Variants in SORCS3 observed in about 807,000 individuals in gnomAD.
The protein encoded by SORCS3 is VPS10 domain-containing receptor SorCS3.
SORCS3 carries 57 observed loss-of-function variants against 146.3 expected under a neutral mutation model. The observed-to-expected ratio is 0.39, with a 90% confidence interval of 0.31 to 0.49. The LOEUF (loss-of-function observed/expected upper bound fraction) is 0.49. SORCS3 is among the 20% of genes least tolerant of loss of function. The pLI is 0.92. For synonymous variants in SORCS3, 653 were observed against 618.5 expected, an observed-to-expected ratio of 1.06 and a Z score of -0.83; for missense variants, 1,341 against 1,575.5, an observed-to-expected ratio of 0.85 and a Z score of 2.52.
chr10:105,110,794 T>A (rs2133757098), intron 7 of SORCS3, among the ~76,000 whole-genome samples: 1 of 152,318 alleles, frequency 6.6e-6, no homozygotes, highest in East Asian at 1.9e-4. Flanking sequence ...GGGAGAAGCA[T>A]CATTATGATT....
chr10:105,084,831 C>T (rs562160182), intron 5 of SORCS3, among the ~76,000 whole-genome samples: 22 of 151,752 alleles, frequency 1.4e-4, no homozygotes, highest in Non-Finnish European at 2.6e-4. Flanking sequence ...CCCGGGTTCA[C>T]GCCATTCTCC....
Position 105,201,217 on chromosome 10 carries a change from C to T in SORCS3, c.2225C>T (p.Ser742Leu). The T allele has an allele frequency of 6.2e-7, 1 of 1,611,352 alleles. No homozygotes were observed. The highest frequency in any genetic ancestry group is 8.5e-7 in the Non-Finnish European group (1 of 1,178,806). The change falls in exon 16 of 27, where the codon TCA becomes TTA. Residue 742 changes from serine to leucine, a missense_variant. Transcript: ENST00000369701. ...LGRDHSGSVVSEPCVCANWDF... is the reference protein window; with the variant it reads ...LGRDHSGSVVLEPCVCANWDF... ...CGAGACCACTCAGGATCAGTGGTCT[C>T]AGAACCCTGTGTCTGTGCCAATTGG...
At chr10:104,725,375 A>G (rs2016613483) in intron 1 of SORCS3, among the ~76,000 whole-genome samples, 1 of 152,214 alleles carries the variant, frequency 6.6e-6, no homozygotes, top group Non-Finnish European at 1.5e-5. Flanking sequence ...GTGAGGTGTC[A>G]GTCTGCCCCT....
chr10:104,661,491 C>A (rs891195666), intron 1 of SORCS3, among the ~76,000 whole-genome samples: 2 of 152,168 alleles, frequency 1.3e-5, no homozygotes, highest in Non-Finnish European at 2.9e-5. Flanking sequence ...CAGTGACATA[C>A]CTCAACAGGC....
intron 1 of SORCS3, among the ~76,000 whole-genome samples, chr10:104,795,360 A>G (rs2017542798): frequency 6.6e-6 from 1 of 152,250 alleles, no homozygotes; most frequent in African/African-American, 2.4e-5. Context: ...AAAATGGTGA[A>G]TAGTTTTTTG....
chr10:105,148,233 A>C (rs2119469214), intron 9 of SORCS3, among the ~76,000 whole-genome samples: 1 of 152,224 alleles, frequency 6.6e-6, no homozygotes, highest in Non-Finnish European at 1.5e-5. Flanking sequence ...TTTTATGGGA[A>C]AATAAAAGCG....
chr10:104,977,492 A>T lies in SORCS3; in HGVS notation c.953A>T (p.Lys318Met), dbSNP rs1589575978. 6.2e-7 allele frequency: 1 copy of T among 1,601,224 alleles called. No individual in the cohort carries two copies. Among genetic ancestry groups the T allele is most frequent in the Non-Finnish European group, 8.5e-7 (1 of 1,175,644 alleles). The change falls in exon 4 of 27, where the codon AAG (lysine) becomes ATG (methionine). Residue 318 changes from lysine (K) to methionine (M), a missense_variant and splice_region_variant. Lys to Met is a moderately conservative substitution (Grantham distance 95). Coordinates refer to ENST00000369701, the MANE Select transcript of SORCS3 (RefSeq NM_014978.3). ...GTGCTGGCCTACAGTTTGGATCAAA[A>T]GGTGAATAAATACTATTTTCATTTA... is the stretch of plus-strand genomic sequence containing the variant. The part of the protein sequence containing the change: ...DWVLAYSLDQ[K>M]LYSSMDFGRR...
intron 1 of SORCS3, among the ~76,000 whole-genome samples, chr10:104,839,638 G>A (rs551113018): frequency 2.1e-4 from 32 of 152,298 alleles, no homozygotes; most frequent in Non-Finnish European, 1.8e-4. Flanking sequence ...GCCAGTAAAG[G>A]TTTCTGATCA....
chr10:104,796,611 T>C (rs1030457761), intron 1 of SORCS3, among the ~76,000 whole-genome samples: 2 of 152,232 alleles, frequency 1.3e-5, no homozygotes, highest in African/African-American at 4.8e-5. Flanking sequence ...AAATATACAG[T>C]TTTCTTTTAA....
intron 4 of SORCS3, among the ~76,000 whole-genome samples, chr10:105,041,266 CAT>C (rs1011645219): frequency 3.4e-5 from 5 of 148,870 alleles, no homozygotes; most frequent in Admixed American, 6.7e-5. Context: ...GATCTGTCTC[CAT>C]GTGTGTGTGG....
chr10:105,049,337 A>C (rs944070498), intron 5 of SORCS3, among the ~76,000 whole-genome samples: 1 of 151,974 alleles, frequency 6.6e-6, no homozygotes, highest in Non-Finnish European at 1.5e-5. Context: ...CTCTAAAGCT[A>C]TTCTGTCAGT....
chr10:104,993,174 C>T (rs1260818491), intron 4 of SORCS3, among the ~76,000 whole-genome samples: 1 of 152,180 alleles, frequency 6.6e-6, no homozygotes, highest in African/African-American at 2.4e-5. Flanking sequence ...TATGCCTGCT[C>T]ATGGCACACT....
intron 2 of SORCS3, among the ~76,000 whole-genome samples, chr10:104,866,795 G>T (rs949677706): frequency 6.6e-6 from 1 of 152,052 alleles, no homozygotes; most frequent in African/African-American, 2.4e-5. Context: ...ACTAACTCAG[G>T]TACTTTTATT....
At chr10:105,119,974 T>C (rs1182144914) in intron 7 of SORCS3, among the ~76,000 whole-genome samples, 4 of 152,014 alleles carry the variant, frequency 2.6e-5, no homozygotes, top group Non-Finnish European at 4.4e-5. Context: ...TGTGAGGACA[T>C]GAGATTTGGG....
chr10:104,643,025 AC>A (rs1327212607), intron 1 of SORCS3, among the ~76,000 whole-genome samples: 1 of 152,192 alleles, frequency 6.6e-6, no homozygotes, highest in Non-Finnish European at 1.5e-5. Context: ...ACAGGTTCCC[AC>A]CATCTCCCCG....
chr10:104,649,199 C>T lies in SORCS3; in HGVS notation c.627+7245C>T, dbSNP rs2015530514. Among the ~76,000 whole-genome samples the T allele has an allele frequency of 4.1e-5, 6 of 147,414 alleles. No individual in the cohort carries two copies. The South Asian group carries it at 1.3e-3, about 33-fold the overall frequency. On this transcript the variant is annotated intron_variant, in intron 1 of 26. Coordinates refer to ENST00000369701, the MANE Select transcript of SORCS3 (RefSeq NM_014978.3). ...AGATAGACTGGGAACCTGAAACAGGCCACATACTAAATAAGATCAATGGAT... is the reference window on the plus strand; with the variant it reads ...AGATAGACTGGGAACCTGAAACAGGTCACATACTAAATAAGATCAATGGAT...
At chr10:105,005,665 T>C (rs1057330366) in intron 4 of SORCS3, among the ~76,000 whole-genome samples, 3 of 152,150 alleles carry the variant, frequency 2.0e-5, no homozygotes, top group Admixed American at 2.0e-4. Flanking sequence ...TTGTAACCTC[T>C]CTAAATAAAG....
intron 5 of SORCS3, among the ~76,000 whole-genome samples, chr10:105,055,956 G>A (rs1039940167): frequency 6.6e-6 from 1 of 152,140 alleles, no homozygotes; most frequent in Non-Finnish European, 1.5e-5. Context: ...ACAAATTCTT[G>A]CATGTCTCAG....
intron 2 of SORCS3, among the ~76,000 whole-genome samples, chr10:104,867,436 A>G (rs1160726019): frequency 6.6e-6 from 1 of 151,664 alleles, no homozygotes; most frequent in Non-Finnish European, 1.5e-5. Flanking sequence ...CAGCCTCCCG[A>G]GTAGTTGGGA....
Sources: gnomAD v4.1 joint callset for allele counts (sites outside exome capture counted in the v4.1 genomes callset) on GRCh38, gnomAD v4.1.1 for gene constraint, MANE v1.5 for transcripts, NCBI Gene and HGNC (gene_info 2026-07-23, HGNC 2026-07-21) for gene names.